IWS1: variants seen among roughly 807,000 people sequenced by gnomAD.
The protein encoded by IWS1 is protein IWS1 homolog.
Under a neutral mutation model 86.7 loss-of-function variants are expected in IWS1, and 27 were observed. That is an observed-to-expected ratio of 0.31 (90% CI 0.23 to 0.43). The LOEUF is 0.43. Ranked by LOEUF, IWS1 falls within the 20% of genes least tolerant of loss-of-function variation. IWS1 has a pLI of 1.00. For synonymous variants in IWS1, 313 were observed against 335.1 expected, an observed-to-expected ratio of 0.93 and a Z score of 0.72; for missense variants, 827 against 1,000.8, an observed-to-expected ratio of 0.83 and a Z score of 2.34.
intron 10 of IWS1, 59 bp downstream of exon 10, chr2:127,491,912 C>A: frequency 1.0e-6 from 1 of 956,922 alleles, no homozygotes; most frequent in Admixed American, 1.7e-5. Context: ...TTTATATATA[C>A]GCATCTCTCT....
chr2:127,505,647 C>G lies in IWS1; in HGVS notation c.256G>C (p.Glu86Gln). 1.9e-6 allele frequency: 3 copies of G among 1,614,012 alleles called. No individual in the cohort carries two copies. The highest frequency in any genetic ancestry group is 2.5e-6 in the Non-Finnish European group (3 of 1,179,986). ...NLNASDSESE[E>Q]LHRQKDSDSE... ...TCGCTGTCCTTTTGCCTGTGAAGCT[C>G]CTCACTTTCAGAGTCACTAGCATTA... Residue 86 changes from glutamate (E) to glutamine (Q), a missense_variant, in exon 3 of 14, where the codon GAG (glutamate) becomes CAG (glutamine). This residue lies in a region of IWS1 where 548 missense variants were observed against 560.2 expected (regional missense o/e 0.98). Coordinates refer to ENST00000295321, the MANE Select transcript of IWS1 (RefSeq NM_017969.3). This position sits in a 1 kb window ranked among gnomAD's most constrained non-coding sequence, Gnocchi z 5.0.
intron 2 of IWS1, among the ~76,000 whole-genome samples, chr2:127,518,645 A>C (rs951472357): frequency 2.0e-5 from 3 of 146,750 alleles, no homozygotes; most frequent in African/African-American, 7.7e-5. Flanking sequence ...AGATCACTGC[A>C]ACCTCTGCCT....
chr2:127,498,077 T>G, intron 6 of IWS1, 63 bp downstream of exon 6: 1 of 1,276,182 alleles, frequency 7.8e-7, no homozygotes, highest in East Asian at 2.3e-5. Context: ...CAAAAGAGAG[T>G]TTAATAGTCT....
chr2:127,494,462 A>G (rs1690408021), intron 8 of IWS1: 1 of 153,300 alleles, frequency 6.5e-6, no homozygotes, highest in African/African-American at 2.4e-5. Context: ...AAAACTGTCT[A>G]TAAAGAACAA....
intron 13 of IWS1, 93 bp downstream of exon 13, chr2:127,486,459 CT>C (rs1249525659): frequency 4.4e-6 from 4 of 905,602 alleles, no homozygotes; most frequent in Non-Finnish European, 5.4e-6. Flanking sequence ...ATCAGACAAA[CT>C]TCAAGAGCTA....
intron 2 of IWS1, among the ~76,000 whole-genome samples, chr2:127,516,259 G>A (rs1691767360): frequency 6.6e-6 from 1 of 152,168 alleles, no homozygotes; most frequent in African/African-American, 2.4e-5. Flanking sequence ...AGGAGTCTGA[G>A]GCAGGAGAAT....
At chr2:127,483,393 C>T (rs1689737441) in intron 13 of IWS1, among the ~76,000 whole-genome samples, 1 of 151,726 alleles carries the variant, frequency 6.6e-6, no homozygotes, top group Non-Finnish European at 1.5e-5. Context: ...GAGGTCAAGG[C>T]CAGAGGATCG....
chr2:127,493,755 T>C (rs1690357969), intron 8 of IWS1, among the ~76,000 whole-genome samples: 1 of 151,184 alleles, frequency 6.6e-6, no homozygotes. Context: ...ATAGTGATTC[T>C]TGAACAGTTT....
intron 8 of IWS1, chr2:127,494,356 C>A (rs1690402501): frequency 6.6e-6 from 1 of 151,618 alleles, no homozygotes; most frequent in Non-Finnish European, 1.5e-5. Flanking sequence ...ACATTAGAGT[C>A]ATATAAGCCT....
intron 4 of IWS1, 22 bp downstream of exon 4, chr2:127,503,365 C>G: frequency 6.3e-7 from 1 of 1,581,900 alleles, no homozygotes; most frequent in South Asian, 1.1e-5. Context: ...CCCCTGAAAA[C>G]TCATGTTATA....
chr2:127,485,122 GGAA>G (rs1558738448), intron 13 of IWS1, among the ~76,000 whole-genome samples: 1 of 151,398 alleles, frequency 6.6e-6, no homozygotes, highest in Non-Finnish European at 1.5e-5. Flanking sequence ...AGAGAGAGGA[GGAA>G]GTTCTTGGCA....
intron 2 of IWS1, among the ~76,000 whole-genome samples, chr2:127,508,228 C>A (rs552884023): frequency 6.6e-6 from 1 of 152,270 alleles, no homozygotes; most frequent in South Asian, 2.1e-4. Context: ...ACCTTAAGAG[C>A]TGCTGTCTGA....
intron 12 of IWS1, among the ~76,000 whole-genome samples, chr2:127,487,376 T>C (rs756028726): frequency 1.1e-4 from 17 of 152,246 alleles, no homozygotes; most frequent in Admixed American, 1.0e-3. Context: ...TGGGTAACCA[T>C]GCTAGACTAA....
rs749858239 is a variant in IWS1, at chr2:127,505,092, G to A, written c.811C>T (p.Pro271Ser). 2 of 1,610,516 alleles carry A rather than the reference G, an allele frequency of 1.2e-6. No individual in the cohort carries two copies. Among genetic ancestry groups the A allele is most frequent in the African/African-American group, 1.3e-5 (1 of 74,608 alleles). ...SDSENEELPK[P>S]RISDSESEDP... ...TCACTTTCCGAATCACTGATTCGGGGTTTGGGAAGCTCTTCATTTTCTGAG... is the reference window on the plus strand; with the variant it reads ...TCACTTTCCGAATCACTGATTCGGGATTTGGGAAGCTCTTCATTTTCTGAG... Residue 271 changes from proline to serine, a missense_variant, in exon 3 of 14, where the codon CCC (proline) becomes TCC (serine). Pro to Ser is a moderately conservative substitution (Grantham distance 74). Around this residue, in one of 2 missense-constraint regions of IWS1, gnomAD observed 548 missense variants for 560.2 expected, o/e 0.98. Transcript: ENST00000295321. This position sits in a 1 kb window ranked among gnomAD's most constrained non-coding sequence, Gnocchi z 5.0.
Position 127,504,956 on chromosome 2 carries a change from T to C in IWS1, c.947A>G (p.Glu316Gly). 6.2e-7 allele frequency: 1 copy of C among 1,614,228 alleles called. No homozygotes were observed. Among genetic ancestry groups the C allele is most frequent in the South Asian group, 1.1e-5 (1 of 91,082 alleles). Residue 316 changes from glutamate (E) to glycine (G), a missense_variant, in exon 3 of 14, where the codon GAA becomes GGA. This residue lies in a region of IWS1 where 548 missense variants were observed against 560.2 expected (regional missense o/e 0.98). Coordinates refer to ENST00000295321, the MANE Select transcript of IWS1 (RefSeq NM_017969.3). Reference protein sequence around the residue: ...GPQKGPASDSETEDASRHKQK... With the variant: ...GPQKGPASDSGTEDASRHKQK... ...TTTGTGTCTGGACGCATCCTCAGTT[T>C]CTGAGTCACTGGCAGGCCCCTTCTG...
chr2:127,506,698 C>T (rs988802895), intron 2 of IWS1: 5 of 168,678 alleles, frequency 3.0e-5, no homozygotes, highest in African/African-American at 1.2e-4. Context: ...TTACAGTAGT[C>T]ACGGTCCTGT....
At chr2:127,510,266 C>A (rs1462748438) in intron 2 of IWS1, among the ~76,000 whole-genome samples, 1 of 152,148 alleles carries the variant, frequency 6.6e-6, no homozygotes, top group Non-Finnish European at 1.5e-5. Flanking sequence ...AGAAACCCTG[C>A]AGTAAAATAC....
chr2:127,484,090 G>A (rs1689801483), intron 13 of IWS1, among the ~76,000 whole-genome samples: 2 of 152,110 alleles, frequency 1.3e-5, no homozygotes, highest in Non-Finnish European at 2.9e-5. Context: ...GATCACTAGA[G>A]GTCAGGAGAT....
intron 2 of IWS1, among the ~76,000 whole-genome samples, chr2:127,519,577 T>TAA (rs56303014): frequency 6.7e-6 from 1 of 149,134 alleles, no homozygotes; most frequent in African/African-American, 2.5e-5. Flanking sequence ...ATGAGGGGTT[T>TAA]AAAAAAAAAA....
Sources: gnomAD v4.1 joint callset for allele counts (sites outside exome capture counted in the v4.1 genomes callset) on GRCh38, gnomAD v4.1.1 for gene constraint, gnomAD v4.1.1 regional missense constraint, Gnocchi (gnomAD v3.1) non-coding constraint, MANE v1.5 for transcripts, NCBI Gene and HGNC (gene_info 2026-07-23, HGNC 2026-07-21) for gene names.